The following ERBB4 variants were observed in gnomAD, a reference collection of about 807,000 sequenced individuals.
ERBB4 encodes the protein receptor tyrosine-protein kinase erbB-4.
Under a neutral mutation model 158.0 loss-of-function variants are expected in ERBB4, and 42 were observed. The observed-to-expected ratio is 0.27, with a 90% CI of 0.21 to 0.34. ERBB4 has a LOEUF of 0.34. ERBB4 is among the 10% of genes least tolerant of loss of function. The pLI is 1.00. For synonymous variants in ERBB4, 583 were observed against 558.7 expected, an observed-to-expected ratio of 1.04 and a Z score of -0.61; for missense variants, 1,333 against 1,624.1, an observed-to-expected ratio of 0.82 and a Z score of 3.08.
intron 1 of ERBB4, among the ~76,000 whole-genome samples, chr2:212,430,669 A>G (rs1398924288): frequency 1.3e-5 from 2 of 152,028 alleles, no homozygotes; most frequent in African/African-American, 2.4e-5. Flanking sequence ...CTCAAACTGC[A>G]TGCTGTTTTT....
chr2:212,022,745 T>G (rs2076684316), intron 2 of ERBB4, among the ~76,000 whole-genome samples: 1 of 152,110 alleles, frequency 6.6e-6, no homozygotes, highest in African/African-American at 2.4e-5. Flanking sequence ...TTGAGTTTTA[T>G]TTGTATTTTT....
intron 20 of ERBB4, among the ~76,000 whole-genome samples, chr2:211,493,345 CAAT>C (rs2065392197): frequency 6.6e-6 from 1 of 151,938 alleles, no homozygotes; most frequent in Admixed American, 6.6e-5. Flanking sequence ...ACAGACAAAA[CAAT>C]AAAGTGCCTT....
At chr2:212,350,520 A>T (rs114148845) in intron 1 of ERBB4, among the ~76,000 whole-genome samples, 2,796 of 152,244 alleles carry the variant, frequency 0.018, 46 homozygotes, top group South Asian at 0.065. Context: ...GTGCCAACTA[A>T]AAGAGATATT....
At chr2:211,993,279 G>T (rs1239891037) in intron 2 of ERBB4, among the ~76,000 whole-genome samples, 1 of 152,166 alleles carries the variant, frequency 6.6e-6, no homozygotes, top group Non-Finnish European at 1.5e-5. Context: ...AAACACTTGA[G>T]ATTCATGCTC....
intron 23 of ERBB4, among the ~76,000 whole-genome samples, chr2:211,423,564 G>T (rs1297707752): frequency 6.6e-6 from 1 of 151,600 alleles, no homozygotes; most frequent in Non-Finnish European, 1.5e-5. Context: ...GACATAGGAA[G>T]AAAAAAGAAA....
chr2:212,341,239 T>A (rs1337266366), intron 1 of ERBB4, among the ~76,000 whole-genome samples: 1 of 151,832 alleles, frequency 6.6e-6, no homozygotes, highest in Non-Finnish European at 1.5e-5. Flanking sequence ...AGTATTATTA[T>A]ATATTTCTTT....
chr2:212,200,260 A>G (rs570708759), intron 1 of ERBB4, among the ~76,000 whole-genome samples: 1 of 152,272 alleles, frequency 6.6e-6, no homozygotes, highest in Non-Finnish European at 1.5e-5. Flanking sequence ...AAAGGAATAT[A>G]AGGGAAAAGG....
intron 20 of ERBB4, among the ~76,000 whole-genome samples, chr2:211,480,672 C>G (rs139030985): frequency 1.2e-3 from 178 of 152,248 alleles, no homozygotes; most frequent in African/African-American, 4.1e-3. Context: ...TATGAGGAAT[C>G]TGGTGTTCCA....
At chr2:211,922,087 A>T (rs1359180760) in intron 3 of ERBB4, among the ~76,000 whole-genome samples, 1 of 152,102 alleles carries the variant, frequency 6.6e-6, no homozygotes, top group Non-Finnish European at 1.5e-5. Context: ...GACTAACATC[A>T]TCTACAAGAT....
chr2:211,915,322 A>G (rs2079656721), intron 3 of ERBB4, among the ~76,000 whole-genome samples: 1 of 151,980 alleles, frequency 6.6e-6, no homozygotes. Flanking sequence ...GCAATCATTT[A>G]TTCCCTTCAA....
At chr2:211,862,302 A>T (rs1221070406) in intron 3 of ERBB4, among the ~76,000 whole-genome samples, 1 of 152,230 alleles carries the variant, frequency 6.6e-6, no homozygotes, top group Non-Finnish European at 1.5e-5. Flanking sequence ...CACAGCTAAT[A>T]GTTTGTTAAA....
chr2:211,683,069 T>G lies in ERBB4; in HGVS notation c.1490-3885A>C, dbSNP rs183910062. On this transcript the variant is annotated intron_variant, in intron 12 of 27. Coordinates refer to ENST00000342788, the MANE Select transcript of ERBB4 (RefSeq NM_005235.3). ...GAGCTCTACAACTTTTGATTCACTA[T>G]TTTATCTTTTGGGTTTATAATATAA... Among the ~76,000 whole-genome samples, 1,303 of 151,742 alleles carry G rather than the reference T, an allele frequency of 8.6e-3. 14 individuals carry two copies. The highest frequency in any genetic ancestry group is 0.03 in the African/African-American group (1,249 of 41,502).
intron 2 of ERBB4, among the ~76,000 whole-genome samples, chr2:212,009,308 G>C (rs2076330654): frequency 2.6e-5 from 4 of 151,866 alleles, no homozygotes; most frequent in Admixed American, 2.6e-4. Context: ...GTGTCCTTAT[G>C]AGATAAAAGC....
intron 1 of ERBB4, among the ~76,000 whole-genome samples, chr2:212,442,390 T>A (rs1482086378): frequency 6.6e-6 from 1 of 152,172 alleles, no homozygotes; most frequent in African/African-American, 2.4e-5. Context: ...TGACAATTTA[T>A]GCAGTGCATC....
intron 1 of ERBB4, among the ~76,000 whole-genome samples, chr2:212,147,319 A>G (rs1454081846): frequency 6.6e-6 from 1 of 151,418 alleles, no homozygotes; most frequent in Non-Finnish European, 1.5e-5. Context: ...CACTTTCAAA[A>G]GAAGAATTAC....
intron 1 of ERBB4, among the ~76,000 whole-genome samples, chr2:212,469,578 C>T (rs1689012766): frequency 6.6e-6 from 1 of 152,116 alleles, no homozygotes; most frequent in South Asian, 2.1e-4. Context: ...TGCTTAGCAC[C>T]ATAAAAAGCT....
At chr2:211,455,625 T>A (rs1410133865) in intron 20 of ERBB4, among the ~76,000 whole-genome samples, 3 of 152,194 alleles carry the variant, frequency 2.0e-5, no homozygotes, top group Non-Finnish European at 4.4e-5. Context: ...ACAAAACAGT[T>A]CATATTATGT....
intron 1 of ERBB4, among the ~76,000 whole-genome samples, chr2:212,187,423 A>AATAAG (rs2082046858): frequency 7.9e-6 from 1 of 127,074 alleles, no homozygotes. Flanking sequence ...AAGTATAATA[A>AATAAG]TAAATAAATA....
At chr2:211,442,583 G>A (rs775341079) in intron 20 of ERBB4, among the ~76,000 whole-genome samples, 50 of 151,962 alleles carry the variant, frequency 3.3e-4, no homozygotes, top group Non-Finnish European at 4.9e-4. Context: ...ACAGTTTCAT[G>A]TAGAGAGTAG....
Sources: allele counts gnomAD v4.1 joint callset (sites outside exome capture counted in the v4.1 genomes callset), GRCh38; gene constraint gnomAD v4.1.1; transcripts MANE v1.5; gene names NCBI Gene and HGNC (gene_info 2026-07-23, HGNC 2026-07-21).